Variants in HAAO observed in about 807,000 individuals in gnomAD.
The protein encoded by HAAO is 3-hydroxyanthranilate oxygenase.
A neutral mutation model predicts 46.2 loss-of-function variants in HAAO; 49 were observed. That is an observed-to-expected ratio of 1.06 (90% CI 0.84 to 1.34). The LOEUF is 1.34. Ranked by LOEUF, HAAO falls within the 40% of genes most tolerant of loss-of-function variation. The pLI, the probability that HAAO is intolerant of heterozygous loss-of-function variation, is 0.00. For synonymous variants in HAAO, 157 were observed against 145.2 expected (o/e 1.08, Z -0.58); for missense variants, 408 against 364.5 (o/e 1.12, Z -0.97).
chr2:42,772,521 A>G (rs114847783), intron 4 of HAAO, among the ~76,000 whole-genome samples: 9 of 151,734 alleles, frequency 5.9e-5, no homozygotes, highest in Admixed American at 1.3e-4. Flanking sequence ...TCTTTTAAGT[A>G]AAAAAAGATA....
chr2:42,792,444 G>T lies in HAAO; in HGVS notation c.80+13C>A, dbSNP rs749192077. ...GCGAGGGCAGGGGGCGGCCATGGGGGTGCTGGACTCACATGAGCTTGTTGC... is the reference window on the plus strand; with the variant it reads ...GCGAGGGCAGGGGGCGGCCATGGGGTTGCTGGACTCACATGAGCTTGTTGC... On this transcript the variant is annotated intron_variant, in intron 1 of 9. Coordinates refer to ENST00000294973, the MANE Select transcript of HAAO (RefSeq NM_012205.3). The T allele has an allele frequency of 1.0e-5, 16 of 1,540,902 alleles. No homozygotes were observed. The East Asian group carries it at 4.0e-4, about 39-fold the overall frequency.
chr2:42,773,583 A>ATTTTT (rs58425059), intron 4 of HAAO, among the ~76,000 whole-genome samples: 1 of 123,120 alleles, frequency 8.1e-6, no homozygotes, highest in African/African-American at 3.1e-5. Context: ...CCTACCCCCT[A>ATTTTT]TTTTTTTTTT....
intron 9 of HAAO, 25 bp from the exon 10 acceptor site, chr2:42,767,540 A>T: frequency 6.2e-7 from 1 of 1,602,586 alleles, no homozygotes; most frequent in Non-Finnish European, 8.5e-7. Flanking sequence ...ATGAGCAGGG[A>T]TCACACAGAG....
chr2:42,788,844 C>T (rs1466493794), intron 1 of HAAO, among the ~76,000 whole-genome samples: 1 of 152,240 alleles, frequency 6.6e-6, no homozygotes, highest in Non-Finnish European at 1.5e-5. Flanking sequence ...TGTGTCCCCC[C>T]ACATCGTCTG....
intron 7 of HAAO, among the ~76,000 whole-genome samples, chr2:42,768,812 A>G (rs976219967): frequency 7.9e-5 from 12 of 152,170 alleles, no homozygotes; most frequent in Admixed American, 1.3e-4. Flanking sequence ...AGCCCAGCAG[A>G]CCTACCAGGA....
rs777663987 is a variant in HAAO, at chr2:42,767,496, G to A, written c.802C>T (p.Gln268Ter). The part of the protein sequence containing the change: ...AGTSYAWERT[Q>*]GSVALSVTQD... ...GTCACAGACAGGGCCACAGAGCCTT[G>A]TGTTCGCTCCCAGGCATACCTGTGG... Residue 268 changes from glutamine (Q) to a stop codon, truncating the protein, a stop_gained, in exon 10 of 10, where the codon CAA becomes TAA. Coordinates refer to ENST00000294973, the MANE Select transcript of HAAO (RefSeq NM_012205.3). LOFTEE classifies it high-confidence loss of function. 7 of 1,612,718 alleles carry A rather than the reference G, an allele frequency of 4.3e-6. No individual in the cohort carries two copies. The highest frequency in any genetic ancestry group is 5.9e-6 in the Non-Finnish European group (7 of 1,179,482).
At chr2:42,771,799 G>C (rs1327390928) in intron 4 of HAAO, among the ~76,000 whole-genome samples, 3 of 152,276 alleles carry the variant, frequency 2.0e-5, no homozygotes, top group Non-Finnish European at 4.4e-5. Context: ...GCTCTTAAAA[G>C]AGATGTGGTC....
chr2:42,780,441 C>T (rs1471157568), intron 4 of HAAO, among the ~76,000 whole-genome samples: 3 of 151,710 alleles, frequency 2.0e-5, no homozygotes, highest in South Asian at 2.1e-4. Context: ...CTCTTGACCT[C>T]GTGATCCACC....
At chr2:42,788,162 C>T (rs926578572) in intron 2 of HAAO, among the ~76,000 whole-genome samples, 2 of 152,214 alleles carry the variant, frequency 1.3e-5, no homozygotes, top group Non-Finnish European at 2.9e-5. Context: ...GGGAGGATCT[C>T]ATTTTGGAGA....
At position 42,782,791 on chromosome 2, in the gene HAAO, C is replaced by G. The variant is rs188852366; in HGVS notation, c.350+523G>C. 6.7e-4 allele frequency: 246 copies of G among 368,650 alleles called. 3 individuals are homozygous for G. In the Admixed American group the frequency reaches 7.8e-3, roughly 12 times the overall value. The allele number at this position is 368,650 out of a possible 1,614,324, so 22.8% of individuals were successfully genotyped here. A position where few individuals can be genotyped will look rare whatever the true frequency, so the allele number is the denominator to read the frequency against. ...CTGTGACCTGGAAGCCCCCTTCCCA[C>G]TTTGAGTCTTCCCACCTTTGCTTGG... On this transcript the variant is annotated intron_variant, in intron 4 of 9. Transcript: ENST00000294973.
At chr2:42,777,167 G>A (rs1190612058) in intron 4 of HAAO, among the ~76,000 whole-genome samples, 2 of 151,700 alleles carry the variant, frequency 1.3e-5, no homozygotes, top group Non-Finnish European at 2.9e-5. Flanking sequence ...GCTGGGTGTG[G>A]TTGTGGGCGC....
intron 3 of HAAO, 40 bp downstream of exon 3, chr2:42,783,744 C>T (rs1444725577): frequency 1.3e-6 from 2 of 1,550,338 alleles, no homozygotes; most frequent in African/African-American, 2.7e-5. Flanking sequence ...CCAGCTGTGG[C>T]CGCCTTTCTC....
chr2:42,767,798 G>A (rs775743901), intron 8 of HAAO, 62 bp downstream of exon 8: 50 of 1,577,448 alleles, frequency 3.2e-5, no homozygotes, highest in Middle Eastern at 1.7e-4. Context: ...GCCCAGGGCC[G>A]AGGAGCGGGC....
In HAAO at chr2:42,792,444, G is replaced by A. The variant is rs749192077; in HGVS notation, c.80+13C>T. ...GCGAGGGCAGGGGGCGGCCATGGGGGTGCTGGACTCACATGAGCTTGTTGC... is the reference window on the plus strand; with the variant it reads ...GCGAGGGCAGGGGGCGGCCATGGGGATGCTGGACTCACATGAGCTTGTTGC... On this transcript the variant is annotated intron_variant, in intron 1 of 9. Transcript: ENST00000294973. The A allele has an allele frequency of 6.5e-6, 10 of 1,540,788 alleles. No individual in the cohort carries two copies. Among genetic ancestry groups the A allele is most frequent in the Admixed American group, 1.9e-5 (1 of 53,674 alleles).
chr2:42,790,870 A>G (rs1672745242), intron 1 of HAAO, among the ~76,000 whole-genome samples: 1 of 152,074 alleles, frequency 6.6e-6, no homozygotes, highest in Non-Finnish European at 1.5e-5. Context: ...CTGAGATGTA[A>G]TTTAGGTACA....
intron 1 of HAAO, among the ~76,000 whole-genome samples, chr2:42,790,532 GTTTTT>G (rs377653350): frequency 6.8e-6 from 1 of 146,802 alleles, no homozygotes; most frequent in Non-Finnish European, 1.5e-5. Flanking sequence ...TGGAAAGTTT[GTTTTT>G]TTTTTTTTTT....
chr2:42,769,279 C>G (rs1318675429), intron 7 of HAAO, among the ~76,000 whole-genome samples: 1 of 152,208 alleles, frequency 6.6e-6, no homozygotes, highest in African/African-American at 2.4e-5. Context: ...AGAAAGTCAG[C>G]CTTGTTTGAA....
chr2:42,774,457 T>C (rs1671388144), intron 4 of HAAO, among the ~76,000 whole-genome samples: 1 of 152,220 alleles, frequency 6.6e-6, no homozygotes, highest in Non-Finnish European at 1.5e-5. Flanking sequence ...TTGGTTGAGA[T>C]CTAAAGTTTA....
chr2:42,781,313 G>A (rs1671979712), intron 4 of HAAO, among the ~76,000 whole-genome samples: 1 of 152,054 alleles, frequency 6.6e-6, no homozygotes. Flanking sequence ...TCCTTTATTG[G>A]TTTATGGAGC....
Sources: allele counts gnomAD v4.1 joint callset (sites outside exome capture counted in the v4.1 genomes callset), GRCh38; gene constraint gnomAD v4.1.1; transcripts MANE v1.5; gene names NCBI Gene and HGNC (gene_info 2026-07-23, HGNC 2026-07-21).